The following DPF3 variants were observed in gnomAD, a reference collection of about 807,000 sequenced individuals.
DPF3 encodes zinc finger protein DPF3.
Under a neutral mutation model 56.8 loss-of-function variants are expected in DPF3, and 18 were observed. That is an observed-to-expected ratio of 0.32 (90% CI 0.22 to 0.47). The LOEUF (loss-of-function observed/expected upper bound fraction) is 0.47. Ranked by LOEUF, DPF3 falls within the 20% of genes least tolerant of loss-of-function variation. The pLI is 1.00. For synonymous variants in DPF3, 188 were observed against 180.2 expected, an observed-to-expected ratio of 1.04 and a Z score of -0.35; for missense variants, 403 against 488.8, an observed-to-expected ratio of 0.82 and a Z score of 1.65.
chr14:72,715,299 A>T (rs939354375), intron 5 of DPF3, among the ~76,000 whole-genome samples: 1 of 152,192 alleles, frequency 6.6e-6, no homozygotes, highest in Non-Finnish European at 1.5e-5. Flanking sequence ...CCAGTCAGAG[A>T]GGTTGCTGGC....
intron 1 of DPF3, among the ~76,000 whole-genome samples, chr14:72,796,565 G>A (rs775793531): frequency 1.3e-4 from 20 of 152,136 alleles, no homozygotes; most frequent in African/African-American, 4.6e-4. Flanking sequence ...TACAGCATGG[G>A]TTAAATAGCA....
At chr14:72,791,944 GGGA>G (rs950194757) in intron 1 of DPF3, among the ~76,000 whole-genome samples, 1 of 152,172 alleles carries the variant, frequency 6.6e-6, no homozygotes, top group Non-Finnish European at 1.5e-5. Context: ...ACCCATGGCT[GGGA>G]GGAGATCAGG....
chr14:72,785,344 C>T (rs1892166342), intron 1 of DPF3, among the ~76,000 whole-genome samples: 1 of 152,144 alleles, frequency 6.6e-6, no homozygotes, highest in African/African-American at 2.4e-5. Flanking sequence ...ATTTTATACC[C>T]ACCCCCTCAC....
intron 1 of DPF3, among the ~76,000 whole-genome samples, chr14:72,890,520 A>G (rs1886710537): frequency 1.3e-5 from 2 of 151,490 alleles, no homozygotes; most frequent in African/African-American, 2.4e-5. Flanking sequence ...AATAATAATA[A>G]TAGCATTATG....
At chr14:72,819,476 A>G (rs1283201909) in intron 1 of DPF3, among the ~76,000 whole-genome samples, 1 of 152,238 alleles carries the variant, frequency 6.6e-6, no homozygotes, top group Admixed American at 6.5e-5. Context: ...GAATGATTAC[A>G]ATATTTTGGA....
At chr14:72,673,822 T>C (rs1360458923) in intron 8 of DPF3, among the ~76,000 whole-genome samples, 3 of 152,186 alleles carry the variant, frequency 2.0e-5, no homozygotes, top group Non-Finnish European at 2.9e-5. Context: ...AATACTCATG[T>C]TTCCACACCA....
chr14:72,850,826 C>T (rs754691447), intron 1 of DPF3, among the ~76,000 whole-genome samples: 22 of 151,826 alleles, frequency 1.4e-4, no homozygotes, highest in East Asian at 7.7e-4. Flanking sequence ...TGTGTGCGCA[C>T]GCGCATGTGT....
intron 6 of DPF3, among the ~76,000 whole-genome samples, chr14:72,703,106 C>T (rs1274305888): frequency 6.6e-6 from 1 of 152,200 alleles, no homozygotes; most frequent in Non-Finnish European, 1.5e-5. Flanking sequence ...AAGCTATTAT[C>T]TCCTCAACTG....
chr14:72,623,209 G>A (rs958154526), intron 9 of DPF3, among the ~76,000 whole-genome samples: 2 of 152,170 alleles, frequency 1.3e-5, no homozygotes, highest in African/African-American at 4.8e-5. Flanking sequence ...GAAGAGGTAA[G>A]TAGAGAGCTA....
chr14:72,637,941 A>C (rs959049238), intron 8 of DPF3, among the ~76,000 whole-genome samples: 3 of 152,222 alleles, frequency 2.0e-5, no homozygotes, highest in African/African-American at 7.2e-5. Context: ...AAGCAAAAGA[A>C]ATCTAGAAAT....
chr14:72,725,566 T>C (rs1241908504), intron 4 of DPF3, among the ~76,000 whole-genome samples: 1 of 151,988 alleles, frequency 6.6e-6, no homozygotes, highest in Non-Finnish European at 1.5e-5. Context: ...AGAGATGGCA[T>C]AAGATGGAGC....
At chr14:72,627,582 G>C (rs1884908053) in intron 9 of DPF3, among the ~76,000 whole-genome samples, 1 of 151,962 alleles carries the variant, frequency 6.6e-6, no homozygotes, top group African/African-American at 2.4e-5. Context: ...ATATCTGGTA[G>C]GGCTAGTTTC....
intron 9 of DPF3, among the ~76,000 whole-genome samples, chr14:72,621,575 C>T (rs1014305469): frequency 2.0e-5 from 3 of 152,118 alleles, no homozygotes; most frequent in African/African-American, 4.8e-5. Context: ...GAAGAGTTAT[C>T]AACAGGGGAG....
intron 1 of DPF3, among the ~76,000 whole-genome samples, chr14:72,797,466 A>G (rs1406099573): frequency 6.6e-6 from 1 of 152,224 alleles, no homozygotes; most frequent in Non-Finnish European, 1.5e-5. Flanking sequence ...ACAGCCAATA[A>G]AAGTCCTGGC....
chr14:72,699,926 GGGGCCAGCTGT>G (rs978226562), intron 6 of DPF3, among the ~76,000 whole-genome samples: 47 of 152,180 alleles, frequency 3.1e-4, no homozygotes, highest in African/African-American at 1.1e-3. Flanking sequence ...AAGTGCTGAT[GGGGCCAGCTGT>G]GGGAGGAGGA....
intron 6 of DPF3, among the ~76,000 whole-genome samples, chr14:72,706,544 C>T (rs1888410308): frequency 6.6e-6 from 1 of 152,206 alleles, no homozygotes; most frequent in Admixed American, 6.5e-5. Context: ...CCCCACCATA[C>T]ACCGGAGGAC....
At chr14:72,654,890 G>A (rs536806556) in intron 8 of DPF3, among the ~76,000 whole-genome samples, 209 of 152,162 alleles carry the variant, frequency 1.4e-3, no homozygotes, top group Non-Finnish European at 2.3e-3. Flanking sequence ...AGCAGCATGC[G>A]GTCAAAACAC....
chr14:72,876,268 T>G (rs750568108), intron 1 of DPF3, among the ~76,000 whole-genome samples: 1 of 152,164 alleles, frequency 6.6e-6, no homozygotes, highest in South Asian at 2.1e-4. Context: ...CCCACCCCTC[T>G]GGGTGGTCCC....
chr14:72,775,046 A>G (rs1018770296), intron 1 of DPF3, among the ~76,000 whole-genome samples: 2 of 152,204 alleles, frequency 1.3e-5, no homozygotes, highest in Non-Finnish European at 2.9e-5. Context: ...GCCCCCACCC[A>G]TGAAACAGCA....
Sources: gnomAD v4.1 joint callset for allele counts (sites outside exome capture counted in the v4.1 genomes callset) on GRCh38, gnomAD v4.1.1 for gene constraint, MANE v1.5 for transcripts, NCBI Gene and HGNC (gene_info 2026-07-23, HGNC 2026-07-21) for gene names.